Variants in UBE4A observed in about 807,000 individuals in gnomAD.
UBE4A encodes the protein ubiquitination factor E4A.
Under a neutral mutation model 117.9 loss-of-function variants are expected in UBE4A, and 48 were observed. The ratio of observed to expected loss-of-function variants is 0.41; its 90% CI spans 0.32 to 0.52. The LOEUF (loss-of-function observed/expected upper bound fraction) is 0.52, where lower values mean the gene tolerates loss of function less well. Among genes scored for constraint, UBE4A ranks in the 20% least tolerant of loss-of-function variants. UBE4A has a pLI of 0.33. For missense variants in UBE4A, 1,067 were observed against 1,296.3 expected (o/e 0.82, Z 2.72); for synonymous variants, 407 against 450.0 (o/e 0.90, Z 1.21).
At chr11:118,391,068 T>A (rs1330511884) in intron 18 of UBE4A, among the ~76,000 whole-genome samples, 1 of 152,214 alleles carries the variant, frequency 6.6e-6, no homozygotes, top group Non-Finnish European at 1.5e-5. Flanking sequence ...TGATTTTTAC[T>A]CTATTTCAGG....
Position 118,382,575 on chromosome 11 carries a change from T to C in UBE4A, c.2010-14T>C, listed in dbSNP as rs1268730491. On this transcript the variant is annotated splice_polypyrimidine_tract_variant and intron_variant, in intron 12 of 19. Coordinates refer to ENST00000252108, the MANE Select transcript of UBE4A (RefSeq NM_001204077.2). ...AAGCTTATCTGCTCATCTTGCTTTT[T>C]GCCCATTTTGCAGAATGAAGAATCC... 1.3e-6 allele frequency: 2 copies of C among 1,519,840 alleles called. No homozygotes were observed. The highest frequency in any genetic ancestry group is 1.8e-6 in the Non-Finnish European group (2 of 1,123,052). 94.1% of individuals were successfully genotyped at this position (1,519,840 alleles called of 1,614,324 possible). A position where few individuals can be genotyped will look rare whatever the true frequency, so the allele number is the denominator to read the frequency against.
rs58143631 is a variant in UBE4A at position 118,395,441 on chromosome 11, C to T, written c.3075-873C>T. 2.8e-3 allele frequency among the ~76,000 whole-genome samples: 427 copies of T among 152,184 alleles called. 2 individuals are homozygous for T. The highest frequency in any genetic ancestry group is 9.8e-3 in the African/African-American group (406 of 41,530). On this transcript the variant is annotated intron_variant, in intron 19 of 19. Coordinates refer to ENST00000252108, the MANE Select transcript of UBE4A (RefSeq NM_001204077.2). ...ATTCATAACGTTTCTTAAAACATTACAAGAACTTATGTATAGGCCAAGACA... is the reference window on the plus strand; with the variant it reads ...ATTCATAACGTTTCTTAAAACATTATAAGAACTTATGTATAGGCCAAGACA...
intron 4 of UBE4A, among the ~76,000 whole-genome samples, chr11:118,370,769 C>T (rs1160889666): frequency 1.3e-5 from 2 of 152,088 alleles, no homozygotes; most frequent in Non-Finnish European, 2.9e-5. Flanking sequence ...GAGGAAGTCA[C>T]CAAAGGACAC....
chr11:118,383,315 C>T (rs904640097), intron 13 of UBE4A, among the ~76,000 whole-genome samples: 1 of 151,976 alleles, frequency 6.6e-6, no homozygotes, highest in Non-Finnish European at 1.5e-5. Context: ...AGCAGGCGGA[C>T]AGGCACAGTG....
intron 1 of UBE4A, among the ~76,000 whole-genome samples, chr11:118,362,208 C>T (rs777431480): frequency 3.9e-5 from 6 of 152,134 alleles, no homozygotes; most frequent in African/African-American, 1.2e-4. Context: ...CTGCAACCTC[C>T]GCCTCCCAGG....
rs1366944008 is a variant in UBE4A, at chr11:118,397,769, T to C, written c.*1329T>C. The C allele has an allele frequency of 1.3e-5, 2 of 152,250 alleles. No homozygotes were observed. Among genetic ancestry groups the C allele is most frequent in the African/African-American group, 4.8e-5 (2 of 41,470 alleles). The allele number at this position is 152,250 out of a possible 1,614,324, so 9.4% of individuals were successfully genotyped here. On this transcript the variant is annotated 3_prime_UTR_variant, in exon 20 of 20. Transcript: ENST00000252108. ...CACTGCTTCATTTGGAACATGTTAT[T>C]AACTATGGTCTCTTTCAAATAAATA...
rs765263763 is a variant in UBE4A, at chr11:118,370,751, A to G, written c.409-763A>G. ...GTGAGGGCTTTTGTGCTGCCTCACAATGTGGTGGAGGAAGTCACCAAAGGA... is the reference window on the plus strand; with the variant it reads ...GTGAGGGCTTTTGTGCTGCCTCACAGTGTGGTGGAGGAAGTCACCAAAGGA... On this transcript the variant is annotated intron_variant, in intron 4 of 19. Coordinates refer to ENST00000252108, the MANE Select transcript of UBE4A (RefSeq NM_001204077.2). Among the ~76,000 whole-genome samples, 41 of 152,320 alleles carry G rather than the reference A, an allele frequency of 2.7e-4. No homozygotes were observed. The Middle Eastern group carries it at 0.02, about 76-fold the overall frequency.
Position 118,382,735 on chromosome 11 carries a change from C to T in UBE4A, c.2156C>T (p.Ala719Val). The T allele has an allele frequency of 6.2e-7, 1 of 1,601,574 alleles. No homozygotes were observed. The highest frequency in any genetic ancestry group is 8.5e-7 in the Non-Finnish European group (1 of 1,172,582). ...AACTTTCAGTATGCACCCCAACTTG[C>T]AGAGGCTCTAATCAAGGTTTTTGTG... Reference protein sequence around the residue: ...FCNFQYAPQLAEALIKVFVDI... With the variant: ...FCNFQYAPQLVEALIKVFVDI... The change falls in exon 13 of 20, where the codon GCA becomes GTA. Residue 719 changes from alanine (A) to valine (V), a missense_variant. Physicochemically the swap from Ala to Val is moderately conservative, Grantham distance 64 (BLOSUM62 0). Coordinates refer to ENST00000252108, the MANE Select transcript of UBE4A (RefSeq NM_001204077.2).
At chr11:118,366,562 T>A (rs1948564826) in intron 2 of UBE4A, among the ~76,000 whole-genome samples, 1 of 152,218 alleles carries the variant, frequency 6.6e-6, no homozygotes, top group East Asian at 1.9e-4. Flanking sequence ...GAGTTTATCA[T>A]GCCACCAGGT....
At chr11:118,389,264 T>A (rs1344607730) in intron 16 of UBE4A, among the ~76,000 whole-genome samples, 2 of 152,260 alleles carry the variant, frequency 1.3e-5, no homozygotes, top group African/African-American at 4.8e-5. Flanking sequence ...ATGGATTTTT[T>A]ATTTTTTATT....
intron 2 of UBE4A, among the ~76,000 whole-genome samples, chr11:118,367,597 GT>G (rs960901444): frequency 6.6e-6 from 1 of 150,618 alleles, no homozygotes; most frequent in African/African-American, 2.5e-5. Context: ...TGCCTCCCGG[GT>G]TTAAGCAATT....
rs782615663 is a variant in UBE4A at position 118,384,823 on chromosome 11, GA to G, written c.2299-8del. Reference sequence around the variant, plus strand: ...CTAAAATGGTTTTCTTGTGGGCTGGGACTTACAGGATTTGGCTGACTATGCC... The same window carrying G: ...CTAAAATGGTTTTCTTGTGGGCTGGGCTTACAGGATTTGGCTGACTATGCC... On this transcript the variant is annotated splice_polypyrimidine_tract_variant and splice_region_variant and intron_variant, in intron 14 of 19. Transcript: ENST00000252108. The G allele has an allele frequency of 4.3e-6, 7 of 1,613,210 alleles. No homozygotes were observed. Among genetic ancestry groups the G allele is most frequent in the Non-Finnish European group, 4.2e-6 (5 of 1,179,454 alleles).
chr11:118,375,639 G>A (rs532217978), intron 9 of UBE4A, among the ~76,000 whole-genome samples: 68 of 151,572 alleles, frequency 4.5e-4, no homozygotes, highest in African/African-American at 1.5e-3. Flanking sequence ...GATTACAGGC[G>A]TGAGCCACCA....
intron 1 of UBE4A, among the ~76,000 whole-genome samples, chr11:118,359,996 T>G (rs1376321918): frequency 6.6e-6 from 1 of 152,082 alleles, no homozygotes; most frequent in Non-Finnish European, 1.5e-5. Context: ...CGGGTGGATC[T>G]CCCTCCTTCC....
At chr11:118,374,851 T>C in intron 8 of UBE4A, 45 bp from the exon 9 acceptor site, 2 of 1,445,788 alleles carry the variant, frequency 1.4e-6, no homozygotes, top group Non-Finnish European at 1.8e-6. Context: ...ATAAAAACTA[T>C]TAGGATTGTG....
rs1555125152 is a variant in UBE4A, at chr11:118,375,074, A to G, written c.1295A>G (p.Asp432Gly). ...PEIFFQMYAS[D>G]AFFLNLGAAL... Reference sequence around the variant, plus strand: ...ATCTTTTTCCAAATGTATGCCTCAGATGCTTTCTTTCTGAATCTGGGTGCT... The same window carrying G: ...ATCTTTTTCCAAATGTATGCCTCAGGTGCTTTCTTTCTGAATCTGGGTGCT... The change falls in exon 9 of 20, where the codon GAT becomes GGT. Residue 432 changes from aspartate (D) to glycine (G), a missense_variant. Asp to Gly is a moderately conservative substitution (Grantham distance 94, BLOSUM62 -1). Around this residue, in one of 3 missense-constraint regions of UBE4A, gnomAD observed 1,001 missense variants for 1,184.0 expected, o/e 0.85. Coordinates refer to ENST00000252108, the MANE Select transcript of UBE4A (RefSeq NM_001204077.2). The G allele has an allele frequency of 2.5e-6, 4 of 1,614,084 alleles. No individual in the cohort carries two copies. The highest frequency in any genetic ancestry group is 2.5e-6 in the Non-Finnish European group (3 of 1,180,040).
chr11:118,391,500 AAAG>A (rs1211744968), intron 18 of UBE4A, among the ~76,000 whole-genome samples: 4 of 151,198 alleles, frequency 2.6e-5, no homozygotes, highest in Non-Finnish European at 2.9e-5. Context: ...AAAAAAGAAA[AAAG>A]AAATTTAAGG....
At chr11:118,382,196 T>A (rs1311749496) in intron 12 of UBE4A, among the ~76,000 whole-genome samples, 1 of 152,220 alleles carries the variant, frequency 6.6e-6, no homozygotes, top group Non-Finnish European at 1.5e-5. Flanking sequence ...GTATGCGTCA[T>A]GGGTAATGTA....
chr11:118,363,029 T>C (rs1948532669), intron 1 of UBE4A, among the ~76,000 whole-genome samples: 1 of 152,190 alleles, frequency 6.6e-6, no homozygotes, highest in Admixed American at 6.5e-5. Flanking sequence ...AATATACTTT[T>C]TGCATTCCTC....
Sources: gnomAD v4.1 joint callset for allele counts (sites outside exome capture counted in the v4.1 genomes callset) on GRCh38, gnomAD v4.1.1 for gene constraint, gnomAD v4.1.1 regional missense constraint, MANE v1.5 for transcripts, NCBI Gene and HGNC (gene_info 2026-07-23, HGNC 2026-07-21) for gene names.